The following PCDH11X variants were observed in gnomAD, a reference collection of about 807,000 sequenced individuals.
PCDH11X encodes the protein protocadherin-11 X-linked.
Under a neutral mutation model 53.3 loss-of-function variants are expected in PCDH11X, and 18 were observed. The ratio of observed to expected loss-of-function variants is 0.34; its 90% CI spans 0.23 to 0.50. The LOEUF is 0.50. PCDH11X is among the 20% of genes least tolerant of loss of function. PCDH11X has a pLI of 0.98. For synonymous variants in PCDH11X, 279 were observed against 393.3 expected (o/e 0.71, Z 3.44); for missense variants, 570 against 1,032.4 (o/e 0.55, Z 6.14).
rs756787231 is a variant in PCDH11X, at chrX:92,117,907, A to G, written c.3034-83468A>G. On this transcript the variant is annotated intron_variant, in intron 6 of 10. Transcript: ENST00000682573. ...AAATGCTCATTAACAAGCTGAGGCAATATGTACTGAGTATACAGGTTCACC... is the reference window on the plus strand; with the variant it reads ...AAATGCTCATTAACAAGCTGAGGCAGTATGTACTGAGTATACAGGTTCACC... Among the ~76,000 whole-genome samples the G allele has an allele frequency of 2.7e-5, 3 of 112,401 alleles. No homozygotes were observed. The East Asian group carries it at 8.4e-4, about 31-fold the overall frequency.
intron 8 of PCDH11X, among the ~76,000 whole-genome samples, chrX:92,347,113 C>A (rs2069918726): frequency 9.0e-6 from 1 of 111,522 alleles, no homozygotes; most frequent in South Asian, 3.7e-4. Context: ...TATTGAGTTG[C>A]AGCTACACTT....
chrX:92,020,005 G>T, intron 6 of PCDH11X, among the ~76,000 whole-genome samples: 1 of 112,172 alleles, frequency 8.9e-6, no homozygotes, highest in Non-Finnish European at 1.9e-5. Context: ...GGGAGGCAGT[G>T]AGTGAATGTG....
chrX:92,438,778 A>G (rs1335045159), intron 9 of PCDH11X, among the ~76,000 whole-genome samples: 1 of 111,034 alleles, frequency 9.0e-6, no homozygotes, highest in African/African-American at 3.3e-5. Context: ...TCTTCATCAA[A>G]CATAAGCATA....
chrX:92,409,670 C>A (rs2071601264), intron 9 of PCDH11X, among the ~76,000 whole-genome samples: 1 of 112,072 alleles, frequency 8.9e-6, no homozygotes, highest in African/African-American at 3.2e-5. Flanking sequence ...TATAAAATTG[C>A]AAAAGATGCA....
chrX:92,065,126 C>CT (rs1232215746), intron 6 of PCDH11X, among the ~76,000 whole-genome samples: 2 of 96,518 alleles, frequency 2.1e-5, no homozygotes, highest in Non-Finnish European at 3.9e-5. Flanking sequence ...ACTACAGGGG[C>CT]TGATGGATGC....
chrX:92,440,299 G>GCCTC (rs2072484637), intron 9 of PCDH11X, among the ~76,000 whole-genome samples: 1 of 109,508 alleles, frequency 9.1e-6, no homozygotes, highest in Admixed American at 9.8e-5. Flanking sequence ...TTCAACTTTT[G>GCCTC]CCTCCCTCCC....
intron 6 of PCDH11X, among the ~76,000 whole-genome samples, chrX:92,076,626 A>G (rs1248747750): frequency 1.8e-5 from 2 of 111,526 alleles, no homozygotes; most frequent in Non-Finnish European, 3.8e-5. Flanking sequence ...GACTGAGGGT[A>G]CCCTCATCAA....
intron 10 of PCDH11X, among the ~76,000 whole-genome samples, chrX:92,539,113 C>T (rs1204645421): frequency 2.7e-5 from 3 of 109,582 alleles, no homozygotes; most frequent in Non-Finnish European, 3.8e-5. Context: ...TGTTTTGTAA[C>T]CTCTTTGTAC....
Position 91,835,570 on chromosome X carries a change from C to T in PCDH11X, c.66C>T (p.Gly22=), listed in dbSNP as rs2147617624. 8.3e-7 allele frequency: 1 copy of T among 1,211,051 alleles called. No individual in the cohort carries two copies. The highest frequency in any genetic ancestry group is 2.2e-5 in the Admixed American group (1 of 45,857). Residue 22 remains glycine (G), a synonymous_variant, in exon 5 of 11, where the codon GGC becomes GGT. Transcript: ENST00000682573. ...TAGCATGCGTGGTGTTCCACTCTGG[C>T]GCCCAGGAGAAAAACTACACCATCC... ...VLLACVVFHS[G]AQEKNYTIRE... is the part of the protein sequence containing the mutation.
chrX:91,803,362 AT>A (rs904732137), intron 1 of PCDH11X, among the ~76,000 whole-genome samples: 5 of 108,935 alleles, frequency 4.6e-5, no homozygotes, highest in African/African-American at 1.7e-4. Context: ...TATCTTTTTC[AT>A]TTTTTTTTCT....
At chrX:92,030,672 G>A (rs926231534) in intron 6 of PCDH11X, among the ~76,000 whole-genome samples, 21 of 107,788 alleles carry the variant, frequency 1.9e-4, no homozygotes, top group Admixed American at 1.8e-3. Flanking sequence ...GTAACCATCT[G>A]TCTACTCTCA....
intron 10 of PCDH11X, among the ~76,000 whole-genome samples, chrX:92,595,969 G>A (rs1347385134): frequency 5.5e-5 from 6 of 109,154 alleles, no homozygotes. Context: ...AAAATAGAGA[G>A]GTCTAGCCAA....
intron 8 of PCDH11X, among the ~76,000 whole-genome samples, chrX:92,265,545 C>T (rs914295881): frequency 1.8e-5 from 2 of 111,482 alleles, no homozygotes; most frequent in East Asian, 2.8e-4. Context: ...CTGTTCCAAG[C>T]GCTCTATGTT....
chrX:91,882,282 C>T (rs1225521883), intron 6 of PCDH11X, among the ~76,000 whole-genome samples: 1 of 110,445 alleles, frequency 9.1e-6, no homozygotes, highest in Non-Finnish European at 1.9e-5. Flanking sequence ...TGAGGCTACA[C>T]ATTATCTTCT....
At chrX:91,832,208 G>C (rs1462621290) in intron 4 of PCDH11X, among the ~76,000 whole-genome samples, 1 of 104,249 alleles carries the variant, frequency 9.6e-6, no homozygotes, top group African/African-American at 3.5e-5. Context: ...GTTTATTGTG[G>C]CACTATTCAC....
rs765539057 is a variant in PCDH11X at position 92,144,299 on chromosome X, C to T, written c.3034-57076C>T. On this transcript the variant is annotated intron_variant, in intron 6 of 10. Coordinates refer to ENST00000682573, the MANE Select transcript of PCDH11X (RefSeq NM_032968.5). ...ACATGCGATTTGGAGGGGCCAGGGG[C>T]GAAATGATATGGTTTGGCTGTGTCC... Among the ~76,000 whole-genome samples, 49 of 108,477 alleles carry T rather than the reference C, an allele frequency of 4.5e-4. 1 individual carries two copies. The South Asian group carries it at 0.02, about 43-fold the overall frequency. The allele number at this position is 108,477 out of a possible 115,157, so 94.2% of individuals were successfully genotyped here.
At chrX:92,379,124 T>C (rs2070815790) in intron 8 of PCDH11X, among the ~76,000 whole-genome samples, 2 of 112,442 alleles carry the variant, frequency 1.8e-5, no homozygotes, top group Non-Finnish European at 3.8e-5. Context: ...TCCTTCTGAA[T>C]TGGAGGGGTG....
At chrX:92,255,978 A>G (rs62598499) in intron 7 of PCDH11X, among the ~76,000 whole-genome samples, 12,779 of 111,633 alleles carry the variant, frequency 0.11, 1,208 homozygotes, top group African/African-American at 0.3. Context: ...GGAGCTTCCC[A>G]GCTGCTTTGT....
intron 6 of PCDH11X, among the ~76,000 whole-genome samples, chrX:92,056,449 T>G (rs994160727): frequency 1.8e-5 from 2 of 111,917 alleles, no homozygotes; most frequent in Non-Finnish European, 3.8e-5. Context: ...GTTGGATACA[T>G]AGTTGGCAAG....
Sources: gnomAD v4.1 joint callset for allele counts (sites outside exome capture counted in the v4.1 genomes callset) on GRCh38, gnomAD v4.1.1 for gene constraint, MANE v1.5 for transcripts, NCBI Gene and HGNC (gene_info 2026-07-23, HGNC 2026-07-21) for gene names.